The following SYNE2 variants were observed in gnomAD, a reference collection of about 807,000 sequenced individuals.
The protein encoded by SYNE2 is nesprin-2.
SYNE2 carries 431 observed loss-of-function variants against 856.3 expected under a neutral mutation model. The observed-to-expected ratio is 0.50, with a 90% CI of 0.47 to 0.55. The LOEUF (loss-of-function observed/expected upper bound fraction) is 0.55. SYNE2 is among the 20% of genes least tolerant of loss of function. The probability of loss-of-function intolerance (pLI) is 0.00; values close to 1 mark genes in which losing one functional copy is unlikely to be tolerated. For missense variants in SYNE2, 8,129 were observed against 8,023.2 expected, an observed-to-expected ratio of 1.01 and a Z score of -0.50; for synonymous variants, 2,923 against 2,872.3, an observed-to-expected ratio of 1.02 and a Z score of -0.56.
At chr14:64,190,301 C>T (rs2098512161) in intron 99 of SYNE2, 64 bp downstream of exon 99, 1 of 1,597,564 alleles carries the variant, frequency 6.3e-7, no homozygotes, top group South Asian at 1.1e-5. Flanking sequence ...ATCTAGTAAA[C>T]TGAACCCAGT....
At position 64,167,648 on chromosome 14, in the gene SYNE2, G is replaced by C; in HGVS notation, c.16905+9G>C. 1 of 1,614,166 alleles carries C rather than the reference G, an allele frequency of 6.2e-7. No homozygotes were observed. Among genetic ancestry groups the C allele is most frequent in the Non-Finnish European group, 8.5e-7 (1 of 1,180,012 alleles). On this transcript the variant is annotated intron_variant, in intron 92 of 115. Coordinates refer to ENST00000555002, the MANE Select transcript of SYNE2 (RefSeq NM_182914.3). ...AGCAGAAAACCTATAAGGTAAACCT[G>C]TGTTCTCTGCCACCCTTGAACCGCT...
At chr14:63,884,213 C>A (rs970541961) in intron 1 of SYNE2, among the ~76,000 whole-genome samples, 1 of 152,164 alleles carries the variant, frequency 6.6e-6, no homozygotes, top group East Asian at 1.9e-4. Context: ...ACTTAGCAGG[C>A]CAGCGCTGCT....
At chr14:64,013,980 C>CT (rs2096868253) in intron 32 of SYNE2, among the ~76,000 whole-genome samples, 1 of 152,054 alleles carries the variant, frequency 6.6e-6, no homozygotes, top group Non-Finnish European at 1.5e-5. Context: ...TTGTTATTGC[C>CT]ATTTTCTAGC....
chr14:63,986,974 C>G (rs563208035), intron 19 of SYNE2, among the ~76,000 whole-genome samples: 1 of 152,254 alleles, frequency 6.6e-6, no homozygotes, highest in African/African-American at 2.4e-5. Context: ...TATAATCAGG[C>G]TGGGCGCGGT....
At chr14:63,949,480 T>C (rs1344457642) in intron 6 of SYNE2, among the ~76,000 whole-genome samples, 2 of 152,208 alleles carry the variant, frequency 1.3e-5, no homozygotes, top group Non-Finnish European at 2.9e-5. Flanking sequence ...CTAAAGATAC[T>C]CTAGGAGCTC....
intron 1 of SYNE2, among the ~76,000 whole-genome samples, chr14:63,881,492 TAAACA>T (rs1424901915): frequency 2.0e-5 from 3 of 151,746 alleles, no homozygotes; most frequent in South Asian, 2.1e-4. Context: ...CTACAATAAA[TAAACA>T]AAACAAAACA....
At position 64,087,789 on chromosome 14, in the gene SYNE2, G is replaced by A; in HGVS notation, c.11603G>A (p.Ser3868Asn). Reference protein sequence around the residue: ...DELTQSIQELSNQVTALQQKI... With the variant: ...DELTQSIQELNNQVTALQQKI... ...TTAACCCAATCCATACAAGAGTTAA[G>A]TAATCAAGTAACAGCTTTACAACAA... The change falls in exon 58 of 116, where the codon AGT becomes AAT. Residue 3868 changes from serine (S) to asparagine (N), a missense_variant. Coordinates refer to ENST00000555002, the MANE Select transcript of SYNE2 (RefSeq NM_182914.3). 1 of 1,614,116 alleles carries A rather than the reference G, an allele frequency of 6.2e-7. No individual in the cohort carries two copies. Among genetic ancestry groups the A allele is most frequent in the Non-Finnish European group, 8.5e-7 (1 of 1,179,976 alleles).
At chr14:64,199,167 A>G (rs979383890) in intron 99 of SYNE2, among the ~76,000 whole-genome samples, 1 of 152,156 alleles carries the variant, frequency 6.6e-6, no homozygotes, top group Non-Finnish European at 1.5e-5. Flanking sequence ...CCTACCCCTC[A>G]GTGTATCCTG....
chr14:63,934,336 T>G lies in SYNE2; in HGVS notation c.80-6278T>G, dbSNP rs539629873. ...ATTAGGACAGAGGTAACTTCTACTT[T>G]TCCTTAGAAAAGTTTTGATTATTTT... On this transcript the variant is annotated intron_variant, in intron 2 of 115. Transcript: ENST00000555002. Among the ~76,000 whole-genome samples the G allele has an allele frequency of 3.9e-5, 6 of 152,260 alleles. No homozygotes were observed. The East Asian group carries it at 1.2e-3, about 29-fold the overall frequency.
In SYNE2 at chr14:64,175,056, G is replaced by C. The variant is rs538194153; in HGVS notation, c.17348G>C (p.Arg5783Thr). The change falls in exon 95 of 116, where the codon AGA becomes ACA. Residue 5783 changes from arginine (R) to threonine (T), a missense_variant. By Grantham distance (71) the Arg-to-Thr change is moderately conservative (BLOSUM62 -1). Coordinates refer to ENST00000555002, the MANE Select transcript of SYNE2 (RefSeq NM_182914.3). ...DLKTKESVGRRISQLQDSWKD... is the reference protein window; with the variant it reads ...DLKTKESVGRTISQLQDSWKD... ...AAAACTAAAGAGTCTGTGGGTAGGAGAATCAGTCAACTTCAGGACAGCTGG... is the reference window on the plus strand; with the variant it reads ...AAAACTAAAGAGTCTGTGGGTAGGACAATCAGTCAACTTCAGGACAGCTGG... The C allele has an allele frequency of 1.8e-5, 29 of 1,614,166 alleles. No homozygotes were observed. The South Asian group carries it at 3.0e-4, about 17-fold the overall frequency.
At chr14:63,778,744 G>A (rs1327304607) in intron 1 of SYNE2, among the ~76,000 whole-genome samples, 3 of 152,014 alleles carry the variant, frequency 2.0e-5, no homozygotes, top group African/African-American at 7.2e-5. Flanking sequence ...CAAACTGCTG[G>A]CCTCAAGTAA....
intron 1 of SYNE2, among the ~76,000 whole-genome samples, chr14:63,813,080 G>A (rs1379410970): frequency 1.3e-5 from 2 of 152,160 alleles, no homozygotes; most frequent in African/African-American, 2.4e-5. Flanking sequence ...CTGATGGCCA[G>A]TCATTTGCTT....
At chr14:64,006,577 C>A (rs898397371) in intron 30 of SYNE2, among the ~76,000 whole-genome samples, 6 of 151,988 alleles carry the variant, frequency 3.9e-5, no homozygotes, top group African/African-American at 1.5e-4. Flanking sequence ...ACCTGTAATC[C>A]CAGCACTTTG....
At chr14:63,940,454 C>G (rs2095897194) in intron 2 of SYNE2, among the ~76,000 whole-genome samples, 160 bp from the exon 3 acceptor site, 1 of 128,012 alleles carries the variant, frequency 7.8e-6, no homozygotes, top group Non-Finnish European at 1.7e-5. Context: ...TTCTAAAACA[C>G]TACTTGGACA....
chr14:63,959,287 C>CTTTTTTT (rs34198434), intron 8 of SYNE2, among the ~76,000 whole-genome samples: 21 of 81,378 alleles, frequency 2.6e-4, no homozygotes, highest in African/African-American at 5.7e-4. Context: ...TTTTCTTCTT[C>CTTTTTTT]TTTTTTTTTT....
At chr14:63,962,578 C>A (rs1445941388) in intron 9 of SYNE2, among the ~76,000 whole-genome samples, 1 of 152,116 alleles carries the variant, frequency 6.6e-6, no homozygotes, top group East Asian at 1.9e-4. Flanking sequence ...GTGTTGTGTT[C>A]TACTCTTAAT....
intron 61 of SYNE2, among the ~76,000 whole-genome samples, chr14:64,093,783 G>A (rs906819357): frequency 3.3e-5 from 5 of 152,126 alleles, no homozygotes; most frequent in Admixed American, 1.3e-4. Flanking sequence ...CAGGGCTGCC[G>A]CATCTCCTTC....
In SYNE2 at chr14:63,996,815, T is replaced by C. The variant is rs1436768831; in HGVS notation, c.2941-132T>C. On this transcript the variant is annotated intron_variant, in intron 23 of 115. Coordinates refer to ENST00000555002, the MANE Select transcript of SYNE2 (RefSeq NM_182914.3). ...CTCATCTTTTTTTCTCTAGCGCCTA[T>C]TGTCATAGCATGTAGATGGCCTATA... 4 of 850,298 alleles carry C rather than the reference T, an allele frequency of 4.7e-6. No individual in the cohort carries two copies. The Admixed American group carries it at 6.2e-5, about 13-fold the overall frequency. 52.7% of individuals were successfully genotyped at this position (850,298 alleles called of 1,614,324 possible).
intron 84 of SYNE2, among the ~76,000 whole-genome samples, chr14:64,148,140 C>T (rs1456525260): frequency 6.6e-6 from 1 of 151,996 alleles, no homozygotes; most frequent in African/African-American, 2.4e-5. Context: ...GGTGAGACCC[C>T]GTCTCTACAA....
Sources: gnomAD v4.1 joint callset for allele counts (sites outside exome capture counted in the v4.1 genomes callset) on GRCh38, gnomAD v4.1.1 for gene constraint, MANE v1.5 for transcripts, NCBI Gene and HGNC (gene_info 2026-07-23, HGNC 2026-07-21) for gene names.